ROBO2: variants seen among roughly 807,000 people sequenced by gnomAD.
The protein encoded by ROBO2 is roundabout homolog 2.
Under a neutral mutation model 160.8 loss-of-function variants are expected in ROBO2, and 53 were observed. The observed-to-expected ratio is 0.33, with a 90% confidence interval of 0.26 to 0.41. ROBO2 has a LOEUF of 0.41. ROBO2 is among the 10% of genes least tolerant of loss of function. The pLI, the probability that ROBO2 is intolerant of heterozygous loss-of-function variation, is 1.00. For missense variants in ROBO2, 1,577 were observed against 1,722.4 expected (o/e 0.92, Z 1.49); for synonymous variants, 664 against 611.7 (o/e 1.09, Z -1.26).
At chr3:77,198,364 A>C (rs1047295446) in intron 2 of ROBO2, among the ~76,000 whole-genome samples, 2 of 152,192 alleles carry the variant, frequency 1.3e-5, no homozygotes, top group Admixed American at 6.5e-5. Flanking sequence ...TAGGGGAAGG[A>C]AATTTTAGAC....
At chr3:76,058,058 T>C (rs762129808) in intron 2 of ROBO2, among the ~76,000 whole-genome samples, 14 of 151,862 alleles carry the variant, frequency 9.2e-5, no homozygotes, top group Non-Finnish European at 1.6e-4. Flanking sequence ...GATAGTGTTA[T>C]AAGGTTCAGA....
chr3:77,543,349 AG>A (rs1458454328), intron 6 of ROBO2, among the ~76,000 whole-genome samples: 5 of 152,224 alleles, frequency 3.3e-5, no homozygotes, highest in Admixed American at 3.3e-4. Flanking sequence ...TGTACCAACC[AG>A]AATGTATCAT....
chr3:76,211,772 T>A (rs1372745657), intron 2 of ROBO2, among the ~76,000 whole-genome samples: 3 of 152,080 alleles, frequency 2.0e-5, no homozygotes, highest in Admixed American at 2.0e-4. Context: ...CAATGATGGA[T>A]AAAAGATGAA....
At chr3:76,948,897 TA>T (rs2078758581) in intron 2 of ROBO2, among the ~76,000 whole-genome samples, 2 of 30,674 alleles carry the variant, frequency 6.5e-5, no homozygotes, top group Admixed American at 4.7e-4. Context: ...TATATATATA[TA>T]TATATATATA....
At chr3:76,467,778 G>A (rs1486860179) in intron 2 of ROBO2, among the ~76,000 whole-genome samples, 1 of 152,008 alleles carries the variant, frequency 6.6e-6, no homozygotes, top group African/African-American at 2.4e-5. Context: ...ACTCGTAGTG[G>A]ATAGATAATT....
intron 2 of ROBO2, among the ~76,000 whole-genome samples, chr3:77,360,973 A>G (rs1228092082): frequency 1.3e-5 from 2 of 151,768 alleles, no homozygotes; most frequent in Non-Finnish European, 2.9e-5. Context: ...TTCTTATATT[A>G]AGATTATGAC....
At chr3:77,448,364 C>G (rs2080779968) in intron 2 of ROBO2, among the ~76,000 whole-genome samples, 2 of 152,076 alleles carry the variant, frequency 1.3e-5, no homozygotes, top group African/African-American at 2.4e-5. Context: ...TAAACAAGGC[C>G]ACCTTTGGCC....
rs143166071 is a variant in ROBO2, at chr3:76,942,692, G to A, written c.110-155322G>A. On this transcript the variant is annotated intron_variant, in intron 2 of 26. Transcript: ENST00000487694. ...GAAAGTGCTGGTCTCAGGAAGACCG[G>A]AAGTCTAATTTTAATTCTGATTCCA... is the stretch of plus-strand genomic sequence containing the variant. 2.2e-4 allele frequency among the ~76,000 whole-genome samples: 34 copies of A among 152,242 alleles called. No individual in the cohort carries two copies. The East Asian group carries it at 6.2e-3, about 28-fold the overall frequency.
chr3:76,713,572 C>G (rs1192882410), intron 2 of ROBO2, among the ~76,000 whole-genome samples: 2 of 152,092 alleles, frequency 1.3e-5, no homozygotes, highest in Admixed American at 6.6e-5. Flanking sequence ...TAAAAACTTA[C>G]TTTTGACTAA....
At chr3:77,563,357 T>C (rs2093386998) in intron 11 of ROBO2, 28 bp downstream of exon 12, 1 of 1,610,986 alleles carries the variant, frequency 6.2e-7, no homozygotes, top group Non-Finnish European at 8.5e-7. Flanking sequence ...CTTTCTCCAC[T>C]GGGTTTTGTC....
chr3:76,680,693 A>G (rs2092537771), intron 2 of ROBO2, among the ~76,000 whole-genome samples: 1 of 152,096 alleles, frequency 6.6e-6, no homozygotes, highest in Admixed American at 6.5e-5. Flanking sequence ...GATTAGAAAT[A>G]TTGTTGTCAA....
At chr3:76,411,125 A>G (rs2075464713) in intron 2 of ROBO2, among the ~76,000 whole-genome samples, 1 of 152,144 alleles carries the variant, frequency 6.6e-6, no homozygotes, top group African/African-American at 2.4e-5. Context: ...CCATGAACAA[A>G]ACTTGGCAGA....
intron 2 of ROBO2, among the ~76,000 whole-genome samples, chr3:76,509,369 G>T (rs903532004): frequency 6.6e-6 from 1 of 152,124 alleles, no homozygotes; most frequent in Non-Finnish European, 1.5e-5. Context: ...GAGATTCCAT[G>T]AGTGCCCGAC....
chr3:75,969,579 C>CT (rs1336089772), intron 2 of ROBO2, among the ~76,000 whole-genome samples: 3 of 151,476 alleles, frequency 2.0e-5, no homozygotes, highest in Admixed American at 6.6e-5. Context: ...ACACTTATCT[C>CT]TTTTTTATAT....
chr3:77,586,944 T>C (rs572529928), intron 16 of ROBO2, among the ~76,000 whole-genome samples: 1 of 151,746 alleles, frequency 6.6e-6, no homozygotes, highest in South Asian at 2.1e-4. Flanking sequence ...CGCTGGTTTT[T>C]AAATCTGAAA....
chr3:76,900,283 C>T (rs2148869703), intron 2 of ROBO2, among the ~76,000 whole-genome samples: 1 of 152,204 alleles, frequency 6.6e-6, no homozygotes, highest in Non-Finnish European at 1.5e-5. Flanking sequence ...GGACGTAAAG[C>T]CCAACCATAT....
chr3:75,966,437 A>G (rs1356061121), intron 2 of ROBO2, among the ~76,000 whole-genome samples: 11 of 151,738 alleles, frequency 7.2e-5, no homozygotes, highest in Admixed American at 1.3e-4. Context: ...GCTTTTATCA[A>G]TTTAATGCTG....
intron 2 of ROBO2, among the ~76,000 whole-genome samples, chr3:76,339,864 G>T (rs571574880): frequency 6.6e-6 from 1 of 152,104 alleles, no homozygotes; most frequent in South Asian, 2.1e-4. Context: ...TGTAATGTTT[G>T]TGTCTGTAAC....
chr3:76,008,369 A>C (rs992735392), intron 2 of ROBO2, among the ~76,000 whole-genome samples: 1 of 152,178 alleles, frequency 6.6e-6, no homozygotes, highest in Non-Finnish European at 1.5e-5. Context: ...AAAAGAAAGC[A>C]CAGTGATCTG....
Sources: gnomAD v4.1 joint callset for allele counts (sites outside exome capture counted in the v4.1 genomes callset) on GRCh38, gnomAD v4.1.1 for gene constraint, MANE v1.5 for transcripts, NCBI Gene and HGNC (gene_info 2026-07-23, HGNC 2026-07-21) for gene names.